The following PDGFRA variants were observed in gnomAD, a reference collection of about 807,000 sequenced individuals.
The protein encoded by PDGFRA is platelet derived growth factor receptor alpha, also known as platelet-derived growth factor receptor alpha.
A neutral mutation model predicts 121.5 loss-of-function variants in PDGFRA; 25 were observed. The observed-to-expected ratio is 0.21, with a 90% CI of 0.15 to 0.29. The LOEUF is 0.29. Ranked by LOEUF, PDGFRA falls within the 10% of genes least tolerant of loss-of-function variation. The pLI is 1.00. For synonymous variants in PDGFRA, 463 were observed against 494.8 expected (o/e 0.94, Z 0.85); for missense variants, 1,008 against 1,345.1 (o/e 0.75, Z 3.92).
intron 17 of PDGFRA, 73 bp downstream of exon 17, chr4:54,285,559 A>G (rs1192674546): frequency 2.5e-6 from 2 of 795,514 alleles, no homozygotes; most frequent in African/African-American, 1.7e-5. Context: ...ATGCTAGGAG[A>G]TAGATGTTGG....
rs1450287419 is a variant in PDGFRA, at chr4:54,237,254, G to C, written c.-13+7839G>C. ...CAAAGTGTTGGGATTACAGATGTGA[G>C]CCACCACGCCCGGCCTCATTGGCCA... On this transcript the variant is annotated intron_variant, in intron 1 of 22. Transcript: ENST00000257290. 5.3e-5 allele frequency among the ~76,000 whole-genome samples: 8 copies of C among 152,290 alleles called. No individual in the cohort carries two copies. The South Asian group carries it at 1.7e-3, about 32-fold the overall frequency.
rs1369648447 is a variant in PDGFRA, at chr4:54,269,735, TG to T, written c.1122-895del. On this transcript the variant is annotated intron_variant, in intron 7 of 22. Transcript: ENST00000257290. ...ACGGCTCACTGCAACCTCCGCCTCC[TG>T]GGTTCAAGCGATTCTTCAGCTTCAG... 2.4e-4 allele frequency among the ~76,000 whole-genome samples: 36 copies of T among 150,410 alleles called. 1 individual carries two copies. Among genetic ancestry groups the T allele is most frequent in the Admixed American group, 1.8e-3 (27 of 14,916 alleles).
Position 54,265,007 on chromosome 4 carries a change from C to G in PDGFRA, c.717C>G (p.Asn239Lys), listed in dbSNP as rs769686275. Residue 239 changes from asparagine (N) to lysine (K), a missense_variant, in exon 5 of 23, where the codon AAC becomes AAG. By Grantham distance (94) the Asn-to-Lys change is moderately conservative. Around this residue, in one of 5 missense-constraint regions of PDGFRA, gnomAD observed 575 missense variants for 701.8 expected, o/e 0.82. Coordinates refer to ENST00000257290, the MANE Select transcript of PDGFRA (RefSeq NM_006206.6). The part of the protein sequence containing the change: ...ETIVVTCAVF[N>K]NEVVDLQWTY... ...TTGTGGTCACCTGTGCTGTTTTTAA[C>G]AATGAGGTGGTTGACCTTCAATGGA... 6.2e-7 allele frequency: 1 copy of G among 1,613,630 alleles called. No individual in the cohort carries two copies.
Position 54,295,504 on chromosome 4 carries a change from A to G in PDGFRA, c.*232A>G. On this transcript the variant is annotated 3_prime_UTR_variant, in exon 23 of 23. Coordinates refer to ENST00000257290, the MANE Select transcript of PDGFRA (RefSeq NM_006206.6). The stretch of plus-strand genomic sequence containing the variant: ...CTCAGTAGCATCTCAGTGGTGTGTG[A>G]AGTTTGGAGATAGATGGATAAGGGA... 2 of 548,880 alleles carry G rather than the reference A, an allele frequency of 3.6e-6. No individual in the cohort carries two copies. Among genetic ancestry groups the G allele is most frequent in the Non-Finnish European group, 6.6e-6 (2 of 304,174 alleles). 34.0% of individuals were successfully genotyped at this position (548,880 alleles called of 1,614,324 possible). A position where few individuals can be genotyped will look rare whatever the true frequency, so the allele number is the denominator to read the frequency against.
At chr4:54,255,604 C>T (rs957809086) in intron 1 of PDGFRA, among the ~76,000 whole-genome samples, 42 of 150,588 alleles carry the variant, frequency 2.8e-4, no homozygotes, top group African/African-American at 1.0e-3. Context: ...CTCCTGGGTT[C>T]ACGCCATTCT....
At chr4:54,256,491 G>A (rs541810514) in intron 1 of PDGFRA, among the ~76,000 whole-genome samples, 2 of 151,620 alleles carry the variant, frequency 1.3e-5, no homozygotes, top group East Asian at 2.0e-4. Context: ...ACCTGCCTTG[G>A]CCTCCCAAAG....
chr4:54,297,004 A>T lies in PDGFRA; in HGVS notation c.*1732A>T, dbSNP rs1433582785. On this transcript the variant is annotated 3_prime_UTR_variant, in exon 23 of 23. Transcript: ENST00000257290. ...CCCCGTCTCCCGTCTTCTGCCTCCCACTCCATACCCCGCCAAGGAAAGGCA... is the reference window on the plus strand; with the variant it reads ...CCCCGTCTCCCGTCTTCTGCCTCCCTCTCCATACCCCGCCAAGGAAAGGCA... 4.3e-6 allele frequency: 1 copy of T among 232,676 alleles called. No individual in the cohort carries two copies. Among genetic ancestry groups the T allele is most frequent in the Non-Finnish European group, 8.5e-6 (1 of 117,924 alleles). 14.4% of individuals were successfully genotyped at this position (232,676 alleles called of 1,614,324 possible). A position where few individuals can be genotyped will look rare whatever the true frequency, so the allele number is the denominator to read the frequency against.
intron 16 of PDGFRA, among the ~76,000 whole-genome samples, chr4:54,284,630 T>C (rs2131322): frequency 1 from 150,470 of 150,860 alleles, 75,042 homozygotes; most frequent in Middle Eastern, 1. Context: ...GCAGATCTTG[T>C]AAGAAGTCAC....
At chr4:54,263,989 G>A (rs1722901713) in intron 4 of PDGFRA, 62 bp downstream of exon 4, 2 of 1,464,866 alleles carry the variant, frequency 1.4e-6, no homozygotes, top group South Asian at 1.2e-5. Context: ...TAAGGTGCGT[G>A]TAGGATTTTT....
chr4:54,264,029 T>A, intron 4 of PDGFRA, 102 bp downstream of exon 4: 1 of 1,026,086 alleles, frequency 9.7e-7, no homozygotes, highest in South Asian at 1.4e-5. Flanking sequence ...TCACTGGTGA[T>A]CCTAAATTCT....
At chr4:54,267,199 T>A in intron 5 of PDGFRA, 90 bp from the exon 6 acceptor site, 12 of 1,222,994 alleles carry the variant, frequency 9.8e-6, no homozygotes, top group Non-Finnish European at 1.5e-5. Flanking sequence ...CATTGACACA[T>A]CCATATCATC....
Position 54,297,462 on chromosome 4 carries a change from G to C in PDGFRA, c.*2190G>C. 1 of 233,720 alleles carries C rather than the reference G, an allele frequency of 4.3e-6. No individual in the cohort carries two copies. The highest frequency in any genetic ancestry group is 6.0e-5 in the East Asian group (1 of 16,588). The allele number at this position is 233,720 out of a possible 1,614,324, so 14.5% of individuals were successfully genotyped here. The stretch of plus-strand genomic sequence containing the variant: ...AGCCAATTAGACTTGAAATACGTTT[G>C]TGTTTCTAGAATCACAGCTCAAGCA... On this transcript the variant is annotated 3_prime_UTR_variant, in exon 23 of 23. Transcript: ENST00000257290.
Position 54,267,606 on chromosome 4 carries a change from T to G in PDGFRA, c.986T>G (p.Leu329Arg). The change falls in exon 7 of 23, where the codon CTG becomes CGG. Residue 329 changes from leucine to arginine, a missense_variant. Around this residue, in one of 5 missense-constraint regions of PDGFRA, gnomAD observed 575 missense variants for 701.8 expected, o/e 0.82. Coordinates refer to ENST00000257290, the MANE Select transcript of PDGFRA (RefSeq NM_006206.6). ...TTCAGCCAGTTGGAAGCTGTCAACC[T>G]GCATGAAGTCAAACATTTTGTTGTA... is the stretch of plus-strand genomic sequence containing the variant. ...PTFSQLEAVNLHEVKHFVVEV... is the reference protein window; with the variant it reads ...PTFSQLEAVNRHEVKHFVVEV... The G allele has an allele frequency of 1.2e-6, 2 of 1,614,218 alleles. No homozygotes were observed. The highest frequency in any genetic ancestry group is 1.7e-6 in the Non-Finnish European group (2 of 1,180,044).
chr4:54,265,230 G>A, intron 5 of PDGFRA, 181 bp downstream of exon 5: 2 of 642,188 alleles, frequency 3.1e-6, no homozygotes, highest in Non-Finnish European at 5.7e-6. Flanking sequence ...CAATGGGAGA[G>A]TTTGAAATGA....
intron 1 of PDGFRA, among the ~76,000 whole-genome samples, chr4:54,246,954 A>C (rs187068599): frequency 1.3e-5 from 2 of 152,350 alleles, no homozygotes; most frequent in East Asian, 3.9e-4. Context: ...TATGCAAATA[A>C]ACTAGAAAAT....
intron 1 of PDGFRA, among the ~76,000 whole-genome samples, chr4:54,244,640 A>C (rs1396210538): frequency 6.6e-6 from 1 of 152,224 alleles, no homozygotes; most frequent in Non-Finnish European, 1.5e-5. Context: ...GAAAAACTGG[A>C]AACTCTGAAA....
At position 54,274,552 on chromosome 4, in the gene PDGFRA, T is replaced by C. The variant is rs1294452177; in HGVS notation, c.1580T>C (p.Val527Ala). Residue 527 changes from valine to alanine, a missense_variant, in exon 11 of 23, where the codon GTG (valine) becomes GCG (alanine). By Grantham distance (64) the Val-to-Ala change is moderately conservative. Coordinates refer to ENST00000257290, the MANE Select transcript of PDGFRA (RefSeq NM_006206.6). The part of the protein sequence containing the change: ...VAPTLRSELT[V>A]AAAVLVLLVI... ...GTAGCCCTGCGTTCTGAACTCACGG[T>C]GGCTGCTGCAGTCCTGGTGCTGTTG... is the stretch of plus-strand genomic sequence containing the variant. 3.7e-6 allele frequency: 6 copies of C among 1,613,802 alleles called. No homozygotes were observed. Among genetic ancestry groups the C allele is most frequent in the Non-Finnish European group, 5.1e-6 (6 of 1,179,856 alleles).
At chr4:54,279,322 C>T (rs939044396) in intron 15 of PDGFRA, among the ~76,000 whole-genome samples, 2 of 152,132 alleles carry the variant, frequency 1.3e-5, no homozygotes, top group Non-Finnish European at 2.9e-5. Context: ...TGGCAGCTGA[C>T]ATTTGTGGAG....
chr4:54,229,494 A>C (rs890111278), intron 1 of PDGFRA, 79 bp downstream of exon 1: 9 of 390,632 alleles, frequency 2.3e-5, no homozygotes, highest in Non-Finnish European at 3.6e-5. Flanking sequence ...AAGCGAAGTA[A>C]CTTCAAACTT....
Sources: allele counts gnomAD v4.1 joint callset (sites outside exome capture counted in the v4.1 genomes callset), GRCh38; gene constraint gnomAD v4.1.1; regional missense constraint gnomAD v4.1.1; transcripts MANE v1.5; gene names NCBI Gene and HGNC (gene_info 2026-07-23, HGNC 2026-07-21).